Variants in ZNG1A observed in about 807,000 individuals in gnomAD.
The protein encoded by ZNG1A is zinc-regulated GTPase metalloprotein activator 1A.
chr9:158,701 A>C, the ZNG1A span, among the ~76,000 whole-genome samples: 66,838 of 148,986 alleles, frequency 0.45, 16,507 homozygotes, highest in Non-Finnish European at 0.56. Context: ...AAAGTATCAA[A>C]TATAAAAATA....
At chr9:123,896 A>T in the ZNG1A span, 1 of 159,500 alleles carries the variant, frequency 6.3e-6, no homozygotes, top group Admixed American at 6.0e-5. Flanking sequence ...ATTTCATTTT[A>T]TAAATTGGGG....
the ZNG1A span, among the ~76,000 whole-genome samples, chr9:170,702 A>G: frequency 7.2e-6 from 1 of 139,072 alleles, no homozygotes; most frequent in Admixed American, 7.2e-5. Context: ...TGTATATCAC[A>G]AAAGTGAGAT....
the ZNG1A span, among the ~76,000 whole-genome samples, chr9:176,841 GA>G: frequency 0.02 from 2,788 of 142,884 alleles, 49 homozygotes; most frequent in African/African-American, 0.053. Context: ...ACCATATTAT[GA>G]AAAAAAAAAA....
At chr9:135,470 A>G in the ZNG1A span, among the ~76,000 whole-genome samples, 2 of 93,274 alleles carry the variant, frequency 2.1e-5, no homozygotes, top group Admixed American at 1.2e-4. Flanking sequence ...ATTTTCCTTT[A>G]TCAATGTTTT....
At chr9:153,759 C>T in the ZNG1A span, 8 of 148,754 alleles carry the variant, frequency 5.4e-5, no homozygotes, top group Non-Finnish European at 1.2e-4. Context: ...CCTAATGAGC[C>T]TTACCTTTAT....
chr9:157,045 T>C, the ZNG1A span, among the ~76,000 whole-genome samples: 1 of 134,172 alleles, frequency 7.5e-6, no homozygotes, highest in Non-Finnish European at 1.6e-5. Flanking sequence ...CCACGTGAAC[T>C]CAGTACTAGG....
At chr9:160,175 G>C in the ZNG1A span, 1 of 454,434 alleles carries the variant, frequency 2.2e-6, no homozygotes, top group African/African-American at 2.0e-5. Flanking sequence ...ACATCAATGG[G>C]TGACAATCCC....
At chr9:139,814 G>T in the ZNG1A span, among the ~76,000 whole-genome samples, 21 of 151,642 alleles carry the variant, frequency 1.4e-4, no homozygotes, top group African/African-American at 4.9e-4. Flanking sequence ...TGCACCATCC[G>T]CGAGCCGAAG....
the ZNG1A span, chr9:171,696 G>C: frequency 3.8e-6 from 1 of 261,970 alleles, no homozygotes; most frequent in South Asian, 4.3e-5. Flanking sequence ...TAAGGGACTT[G>C]AACATTAATA....
chr9:129,018 G>A, the ZNG1A span, among the ~76,000 whole-genome samples: 12 of 151,526 alleles, frequency 7.9e-5, no homozygotes, highest in Non-Finnish European at 1.0e-4. Context: ...GCACAGAGTC[G>A]GGAGATGTGA....
At chr9:155,142 C>T in the ZNG1A span, among the ~76,000 whole-genome samples, 1 of 151,282 alleles carries the variant, frequency 6.6e-6, no homozygotes, top group African/African-American at 2.4e-5. Context: ...TCATAATTTT[C>T]TTTGTGAAGA....
the ZNG1A span, chr9:177,576 T>C: frequency 5.6e-6 from 8 of 1,435,672 alleles, no homozygotes; most frequent in South Asian, 7.7e-5. Context: ...AAGAAAAATG[T>C]AGTAGAAGCC....
chr9:155,903 C>T, the ZNG1A span, among the ~76,000 whole-genome samples: 5 of 147,516 alleles, frequency 3.4e-5, no homozygotes, highest in Non-Finnish European at 5.9e-5. Context: ...CTCAGGAGCT[C>T]GAGACCAGCC....
chr9:122,260 TTAA>T, the ZNG1A span: 1 of 1,434,170 alleles, frequency 7.0e-7, no homozygotes. Context: ...AAGAAGTTTC[TTAA>T]TGTTTTTAAT....
chr9:124,050 C>G, the ZNG1A span, among the ~76,000 whole-genome samples: 1 of 152,158 alleles, frequency 6.6e-6, no homozygotes, highest in African/African-American at 2.4e-5. Flanking sequence ...GAGAAGAGTT[C>G]TTAGCGATGA....
At chr9:178,312 TAAGATAGGA>T in the ZNG1A span, among the ~76,000 whole-genome samples, 1 of 151,940 alleles carries the variant, frequency 6.6e-6, no homozygotes, top group African/African-American at 2.4e-5. Context: ...AAAAAGTGTT[TAAGATAGGA>T]GCGCTCCCTG....
At chr9:157,260 C>G in the ZNG1A span, among the ~76,000 whole-genome samples, 4 of 147,202 alleles carry the variant, frequency 2.7e-5, no homozygotes, top group African/African-American at 1.0e-4. Flanking sequence ...TAGTTTTCAT[C>G]TCTCTGGAGG....
At chr9:129,562 C>A in the ZNG1A span, among the ~76,000 whole-genome samples, 3 of 149,472 alleles carry the variant, frequency 2.0e-5, no homozygotes, top group East Asian at 5.9e-4. Flanking sequence ...ATAAGCCAGT[C>A]ACAGAAGGAC....
At chr9:126,582 T>C in the ZNG1A span, among the ~76,000 whole-genome samples, 15 of 152,192 alleles carry the variant, frequency 9.9e-5, no homozygotes, top group African/African-American at 3.1e-4. Context: ...TTGAGCTTAT[T>C]TGGATTTTCT....
Sources: allele counts gnomAD v4.1 joint callset (sites outside exome capture counted in the v4.1 genomes callset), GRCh38; gene constraint gnomAD v4.1.1; transcripts MANE v1.5; gene names NCBI Gene and HGNC (gene_info 2026-07-23, HGNC 2026-07-21).